The following BLVRA variants were observed in gnomAD, a reference collection of about 807,000 sequenced individuals.
BLVRA encodes the protein biliverdin reductase A, also known as BVR A.
A neutral mutation model predicts 32.8 loss-of-function variants in BLVRA; 22 were observed. The ratio of observed to expected loss-of-function variants is 0.67; its 90% CI spans 0.48 to 0.96. BLVRA has a LOEUF of 0.96. Among genes scored for constraint, BLVRA ranks in the 40% least tolerant of loss-of-function variants. The probability of loss-of-function intolerance (pLI) is 0.00; values close to 1 mark genes in which losing one functional copy is unlikely to be tolerated. For synonymous variants in BLVRA, 119 were observed against 141.3 expected, an observed-to-expected ratio of 0.84 and a Z score of 1.12; for missense variants, 323 against 358.1, an observed-to-expected ratio of 0.90 and a Z score of 0.79.
chr7:43,801,361 G>A (rs543547892), intron 6 of BLVRA, among the ~76,000 whole-genome samples: 10 of 152,214 alleles, frequency 6.6e-5, no homozygotes, highest in South Asian at 2.1e-4. Context: ...GAGCAGCTCC[G>A]TTAGCAATAG....
chr7:43,767,261 C>G, intron 1 of BLVRA: 1 of 865,656 alleles, frequency 1.2e-6, no homozygotes, highest in South Asian at 1.4e-5. Flanking sequence ...TAGCCTGCCA[C>G]CGAGCACCTG....
rs932514357 is a variant in BLVRA at position 43,787,200 on chromosome 7, G to A, written c.13-704G>A. Among the ~76,000 whole-genome samples, 9 of 152,194 alleles carry A rather than the reference G, an allele frequency of 5.9e-5. No homozygotes were observed. The highest frequency in any genetic ancestry group is 2.2e-4 in the African/African-American group (9 of 41,446). ...GGCCTCCCAAAGTGCTGGGATTACA[G>A]GCGTGAGCCACCGTGCCCAGTGCAT... On this transcript the variant is annotated intron_variant, in intron 2 of 7. Transcript: ENST00000265523. The surrounding 1 kb of genome is among the most constrained non-coding windows in gnomAD (Gnocchi z 4.5).
At chr7:43,758,665 C>G (rs2095738846), upstream of BLVRA, 1 of 152,576 alleles carries the variant, frequency 6.6e-6, no homozygotes, top group South Asian at 2.1e-4. Context: ...CCAATCGGAG[C>G]TGGGATCCCG....
At position 43,800,639 on chromosome 7, in the gene BLVRA, C is replaced by G. The variant is rs1585742865; in HGVS notation, c.460+67C>G. The G allele has an allele frequency of 2.2e-6, 3 of 1,375,570 alleles. No individual in the cohort carries two copies. The Admixed American group carries it at 5.2e-5, about 24-fold the overall frequency. The allele number at this position is 1,375,570 out of a possible 1,614,324, so 85.2% of individuals were successfully genotyped here. ...AGACCAGCCAGATTCTTTCCTGGCTCTCTGGGATGGGAGCTTATATTCATT... is the reference window on the plus strand; with the variant it reads ...AGACCAGCCAGATTCTTTCCTGGCTGTCTGGGATGGGAGCTTATATTCATT... On this transcript the variant is annotated intron_variant, in intron 6 of 7. Coordinates refer to ENST00000265523, the MANE Select transcript of BLVRA (RefSeq NM_000712.4).
intron 2 of BLVRA, among the ~76,000 whole-genome samples, chr7:43,773,008 A>G (rs1366270802): frequency 1.3e-5 from 2 of 152,188 alleles, no homozygotes; most frequent in African/African-American, 4.8e-5. Flanking sequence ...CTCCTTTGCC[A>G]TGTGCATCAT....
At chr7:43,763,709 A>G (rs2095744830) in intron 1 of BLVRA, among the ~76,000 whole-genome samples, 1 of 152,156 alleles carries the variant, frequency 6.6e-6, no homozygotes, top group Non-Finnish European at 1.5e-5. Flanking sequence ...CCATATTTCA[A>G]CTCATGTGTG....
intron 1 of BLVRA, among the ~76,000 whole-genome samples, chr7:43,769,347 G>A (rs2095751874): frequency 6.6e-6 from 1 of 152,066 alleles, no homozygotes; most frequent in Non-Finnish European, 1.5e-5. Context: ...GATATTTTAT[G>A]CATAAAAAGA....
At chr7:43,772,657 A>G (rs1294464798) in intron 2 of BLVRA, among the ~76,000 whole-genome samples, 1 of 152,234 alleles carries the variant, frequency 6.6e-6, no homozygotes, top group Non-Finnish European at 1.5e-5. Context: ...AGGCCTCAGG[A>G]AACAACAATT....
chr7:43,803,915 C>A, intron 7 of BLVRA, 68 bp downstream of exon 7: 1 of 1,583,186 alleles, frequency 6.3e-7, no homozygotes, highest in Non-Finnish European at 8.6e-7. Context: ...AGGTATGATC[C>A]AAAGGGAGCC....
intron 1 of BLVRA, among the ~76,000 whole-genome samples, chr7:43,769,740 T>A (rs1320809860): frequency 6.6e-6 from 1 of 151,904 alleles, no homozygotes; most frequent in African/African-American, 2.4e-5. Context: ...CCCGAGTAGG[T>A]GGGAATTACA....
chr7:43,777,726 C>T (rs1186772947), intron 2 of BLVRA, among the ~76,000 whole-genome samples: 2 of 152,078 alleles, frequency 1.3e-5, no homozygotes. Context: ...TGGATAATAT[C>T]CTGCAGAGTG....
chr7:43,803,656 G>T lies in BLVRA; in HGVS notation c.461-20G>T, dbSNP rs1367764774. ...GCATTCCTGCTTCCCAGTTCCCACA[G>T]CATTTGTGATTTCCCACAGCTGGCC... On this transcript the variant is annotated intron_variant, in intron 6 of 7. Coordinates refer to ENST00000265523, the MANE Select transcript of BLVRA (RefSeq NM_000712.4). 1.3e-6 allele frequency: 2 copies of T among 1,577,192 alleles called. No individual in the cohort carries two copies. Among genetic ancestry groups the T allele is most frequent in the African/African-American group, 1.4e-5 (1 of 71,262 alleles).
intron 3 of BLVRA, among the ~76,000 whole-genome samples, chr7:43,789,996 C>T (rs781437556): frequency 6.6e-6 from 1 of 152,100 alleles, no homozygotes; most frequent in Non-Finnish European, 1.5e-5. Context: ...AATAGGCAAA[C>T]AATAAGTATT....
intron 5 of BLVRA, 30 bp from the exon 6 acceptor site, chr7:43,800,435 G>T: frequency 6.3e-7 from 1 of 1,596,610 alleles, no homozygotes; most frequent in Non-Finnish European, 8.6e-7. Context: ...ACTGACGACT[G>T]CCCTTTTTAT....
At chr7:43,774,795 T>C (rs2095758812) in intron 2 of BLVRA, among the ~76,000 whole-genome samples, 1 of 152,230 alleles carries the variant, frequency 6.6e-6, no homozygotes, top group Non-Finnish European at 1.5e-5. Context: ...TCCATTTGTT[T>C]GTATCCTCTT....
At chr7:43,791,184 G>T in intron 3 of BLVRA, 65 bp from the exon 4 acceptor site, 2 of 1,606,922 alleles carry the variant, frequency 1.2e-6, no homozygotes. Flanking sequence ...GGGAGGAGGG[G>T]AGAAGGATGG....
chr7:43,778,586 G>A (rs559334910), intron 2 of BLVRA, among the ~76,000 whole-genome samples: 1 of 152,374 alleles, frequency 6.6e-6, no homozygotes, highest in Non-Finnish European at 1.5e-5. Flanking sequence ...GTGCCTCCCA[G>A]TTAGGCTGCT....
chr7:43,770,733 GA>G (rs1171713035), intron 1 of BLVRA, among the ~76,000 whole-genome samples: 1 of 151,552 alleles, frequency 6.6e-6, no homozygotes, highest in Non-Finnish European at 1.5e-5. Context: ...CAGCTAGGAA[GA>G]AAAAAAAGTA....
At chr7:43,789,471 C>T (rs919484674) in intron 3 of BLVRA, among the ~76,000 whole-genome samples, 1 of 152,178 alleles carries the variant, frequency 6.6e-6, no homozygotes, top group Non-Finnish European at 1.5e-5. Context: ...GGGAGCTGCA[C>T]ACAAATGGGA....
Sources: gnomAD v4.1 joint callset for allele counts (sites outside exome capture counted in the v4.1 genomes callset) on GRCh38, gnomAD v4.1.1 for gene constraint, Gnocchi (gnomAD v3.1) non-coding constraint, MANE v1.5 for transcripts, NCBI Gene and HGNC (gene_info 2026-07-23, HGNC 2026-07-21) for gene names.